CRYBB3: variants seen among roughly 807,000 people sequenced by gnomAD.
CRYBB3 encodes the protein crystallin beta B3, also known as beta-crystallin B3.
In CRYBB3, 35 loss-of-function variants were observed where a neutral mutation model predicts 28.3. The observed-to-expected ratio is 1.24, with a 90% CI of 0.95 to 1.64. CRYBB3 has a LOEUF of 1.64. Among genes scored for constraint, CRYBB3 ranks in the 40% most tolerant of loss-of-function variants. The pLI is 0.00. For missense variants in CRYBB3, 296 were observed against 297.4 expected, an observed-to-expected ratio of 1.00 and a Z score of 0.04; for synonymous variants, 106 against 110.4, an observed-to-expected ratio of 0.96 and a Z score of 0.25.
rs1042416190 is a variant in CRYBB3, at chr22:25,207,290, C to T, written c.*78C>T. On this transcript the variant is annotated 3_prime_UTR_variant, in exon 6 of 6. Transcript: ENST00000215855. ...AGAAGAGGAGGCTCCAGGGTTGGGG[C>T]GAGGGCCGACCTGTCCACCCTTCCC... 74 of 1,329,644 alleles carry T rather than the reference C, an allele frequency of 5.6e-5. No homozygotes were observed. The highest frequency in any genetic ancestry group is 2.6e-4 in the Middle Eastern group (1 of 3,834). The allele number at this position is 1,329,644 out of a possible 1,614,324, so 82.4% of individuals were successfully genotyped here. A position where few individuals can be genotyped will look rare whatever the true frequency, so the allele number is the denominator to read the frequency against.
intron 4 of CRYBB3, among the ~76,000 whole-genome samples, chr22:25,204,448 C>T (rs946326373): frequency 1.3e-5 from 2 of 152,068 alleles, no homozygotes; most frequent in Non-Finnish European, 2.9e-5. Flanking sequence ...GTTGCAGTCT[C>T]GCTCTGTCAC....
intron 1 of CRYBB3, among the ~76,000 whole-genome samples, chr22:25,200,753 A>G (rs1934931481): frequency 6.6e-6 from 1 of 152,142 alleles, no homozygotes; most frequent in African/African-American, 2.4e-5. Context: ...AACGCAGGGA[A>G]ACTGACCTGG....
At chr22:25,203,281 C>T (rs553808017) in intron 3 of CRYBB3, among the ~76,000 whole-genome samples, 1 of 152,292 alleles carries the variant, frequency 6.6e-6, no homozygotes, top group African/African-American at 2.4e-5. Flanking sequence ...TGGCACTAAC[C>T]ATCTGGGTGA....
Position 25,207,221 on chromosome 22 carries a change from C to A in CRYBB3, c.*9C>A. On this transcript the variant is annotated 3_prime_UTR_variant, in exon 6 of 6. Coordinates refer to ENST00000215855, the MANE Select transcript of CRYBB3 (RefSeq NM_004076.5). ...GCTTCCCCAGCAGCTGAAAGGCACC[C>A]AGACTTCAAGGACCCAGACCCACCC... 6.2e-7 allele frequency: 1 copy of A among 1,611,034 alleles called. No individual in the cohort carries two copies. Among genetic ancestry groups the A allele is most frequent in the African/African-American group, 1.3e-5 (1 of 75,016 alleles).
chr22:25,202,029 G>A lies in CRYBB3; in HGVS notation c.75+558G>A, dbSNP rs115708723. Among the ~76,000 whole-genome samples, 1,156 of 152,308 alleles carry A rather than the reference G, an allele frequency of 7.6e-3. 14 individuals are homozygous for A. The highest frequency in any genetic ancestry group is 0.027 in the African/African-American group (1,107 of 41,560). ...TTTTTGGGAAACTATTCCAGACAGAGTCTAAGGATGGGTCGAATCCCAGTG... is the reference window on the plus strand; with the variant it reads ...TTTTTGGGAAACTATTCCAGACAGAATCTAAGGATGGGTCGAATCCCAGTG... On this transcript the variant is annotated intron_variant, in intron 2 of 5. Transcript: ENST00000215855.
chr22:25,205,205 C>A lies in CRYBB3; in HGVS notation c.328-15C>A, dbSNP rs751875383. On this transcript the variant is annotated splice_polypyrimidine_tract_variant and intron_variant, in intron 4 of 5. Coordinates refer to ENST00000215855, the MANE Select transcript of CRYBB3 (RefSeq NM_004076.5). ...GATATGGGAGCAGCCGCTCACCCCA[C>A]GATATTGCCCTCAGGATAGTCCACA... 1.2e-6 allele frequency: 2 copies of A among 1,613,558 alleles called. No individual in the cohort carries two copies. The highest frequency in any genetic ancestry group is 8.5e-7 in the Non-Finnish European group (1 of 1,179,670).
At chr22:25,206,136 C>G (rs1407316036) in intron 5 of CRYBB3, among the ~76,000 whole-genome samples, 3 of 152,114 alleles carry the variant, frequency 2.0e-5, no homozygotes, top group Non-Finnish European at 1.5e-5. Context: ...TGGGGTTGGG[C>G]CTTGAGAGGT....
Position 25,205,227 on chromosome 22 carries a change from C to T in CRYBB3, c.335C>T (p.Pro112Leu), listed in dbSNP as rs973551612. Reference protein sequence around the residue: ...LSLRPLNIDSPHHKLHLFENP... With the variant: ...LSLRPLNIDSLHHKLHLFENP... ...CCACGATATTGCCCTCAGGATAGTC[C>T]ACATCACAAGCTGCATCTGTTTGAG... Residue 112 changes from proline (P) to leucine (L), a missense_variant, in exon 5 of 6, where the codon CCA (proline) becomes CTA (leucine). Coordinates refer to ENST00000215855, the MANE Select transcript of CRYBB3 (RefSeq NM_004076.5). 1.2e-5 allele frequency: 20 copies of T among 1,613,838 alleles called. No individual in the cohort carries two copies. The East Asian group carries it at 4.2e-4, about 34-fold the overall frequency.
At chr22:25,200,450 A>G (rs988550724) in intron 1 of CRYBB3, among the ~76,000 whole-genome samples, 4 of 150,362 alleles carry the variant, frequency 2.7e-5, no homozygotes, top group African/African-American at 9.7e-5. Context: ...GTGTGTGAGG[A>G]GAGAGAGAGA....
At chr22:25,201,631 G>A (rs544227754) in intron 2 of CRYBB3, among the ~76,000 whole-genome samples, 160 bp downstream of exon 2, 4 of 152,278 alleles carry the variant, frequency 2.6e-5, no homozygotes, top group South Asian at 2.1e-4. Context: ...CCACCCTCCC[G>A]TTAGAAACTT....
At position 25,207,185 on chromosome 22, in the gene CRYBB3, C is replaced by T; in HGVS notation, c.609C>T (p.His203=). 5 of 1,613,348 alleles carry T rather than the reference C, an allele frequency of 3.1e-6. No homozygotes were observed. Among genetic ancestry groups the T allele is most frequent in the Non-Finnish European group, 4.2e-6 (5 of 1,179,798 alleles). ...SVRRIRDQKW[H]KRGRFPSS ...GCCGCATCCGTGACCAGAAGTGGCACAAGCGGGGCCGCTTCCCCAGCAGCT... is the reference window on the plus strand; with the variant it reads ...GCCGCATCCGTGACCAGAAGTGGCATAAGCGGGGCCGCTTCCCCAGCAGCT... The change falls in exon 6 of 6, where the codon CAC becomes CAT. Residue 203 remains histidine (H), a synonymous_variant. Transcript: ENST00000215855.
Position 25,205,283 on chromosome 22 carries a change from A to C in CRYBB3, c.391A>C (p.Ile131Leu). ...AGCTTTCAGTGGCCGCAAGATGGAG[A>C]TAGTGGATGATGACGTGCCCAGCCT... is the stretch of plus-strand genomic sequence containing the variant. ...NPAFSGRKME[I>L]VDDDVPSLWA... is the part of the protein sequence containing the mutation. Residue 131 changes from isoleucine (I) to leucine (L), a missense_variant, in exon 5 of 6, where the codon ATA (isoleucine) becomes CTA (leucine). Ile to Leu is a conservative substitution (Grantham distance 5, BLOSUM62 2). Coordinates refer to ENST00000215855, the MANE Select transcript of CRYBB3 (RefSeq NM_004076.5). 1 of 1,613,946 alleles carries C rather than the reference A, an allele frequency of 6.2e-7. No homozygotes were observed. Among genetic ancestry groups the C allele is most frequent in the Non-Finnish European group, 8.5e-7 (1 of 1,179,988 alleles).
At chr22:25,202,940 T>C (rs1226632538) in intron 3 of CRYBB3, 148 bp downstream of exon 3, 1 of 1,490,366 alleles carries the variant, frequency 6.7e-7, no homozygotes, top group East Asian at 2.5e-5. Context: ...AAAATGAGAG[T>C]TGAAGAATTC....
chr22:25,205,584 C>A (rs909512689), intron 5 of CRYBB3, among the ~76,000 whole-genome samples: 1 of 152,126 alleles, frequency 6.6e-6, no homozygotes, highest in South Asian at 2.1e-4. Context: ...CTCAGCCTCC[C>A]GAGTAGCTGG....
At chr22:25,202,298 G>A (rs1003438249) in intron 2 of CRYBB3, among the ~76,000 whole-genome samples, 3 of 151,894 alleles carry the variant, frequency 2.0e-5, no homozygotes, top group Non-Finnish European at 4.4e-5. Flanking sequence ...TTTTTTAAGG[G>A]GGAAATTTCC....
intron 1 of CRYBB3, 60 bp from the exon 2 acceptor site, chr22:25,201,317 C>G (rs1934943301): frequency 6.2e-7 from 1 of 1,600,334 alleles, no homozygotes; most frequent in Non-Finnish European, 8.5e-7. Flanking sequence ...GGACTCCAGT[C>G]ACATCAACAC....
At position 25,202,690 on chromosome 22, in the gene CRYBB3, T is replaced by C; in HGVS notation, c.92T>C (p.Leu31Pro). The change falls in exon 3 of 6, where the codon CTA (leucine) becomes CCA (proline). Residue 31 changes from leucine to proline, a missense_variant. Coordinates refer to ENST00000215855, the MANE Select transcript of CRYBB3 (RefSeq NM_004076.5). Reference sequence around the variant, plus strand: ...CTCTTCTAGGTGATCTTGTACGAACTAGAGAACTTCCAAGGCAAACGCTGC... The same window carrying C: ...CTCTTCTAGGTGATCTTGTACGAACCAGAGAACTTCCAAGGCAAACGCTGC... ...GGSYKVILYE[L>P]ENFQGKRCEL... 2 of 1,613,998 alleles carry C rather than the reference T, an allele frequency of 1.2e-6. No individual in the cohort carries two copies. Among genetic ancestry groups the C allele is most frequent in the Non-Finnish European group, 1.7e-6 (2 of 1,179,942 alleles).
chr22:25,205,763 G>T (rs1424014444), intron 5 of CRYBB3, among the ~76,000 whole-genome samples: 1 of 152,090 alleles, frequency 6.6e-6, no homozygotes, highest in Non-Finnish European at 1.5e-5. Context: ...CCGGCCATCG[G>T]TGCCTATAGT....
In CRYBB3 at chr22:25,207,197, C is replaced by T. The variant is rs373954142; in HGVS notation, c.621C>T (p.Arg207=). Residue 207 remains arginine, a synonymous_variant, in exon 6 of 6, where the codon CGC becomes CGT. Transcript: ENST00000215855. Reference sequence around the variant, plus strand: ...ACCAGAAGTGGCACAAGCGGGGCCGCTTCCCCAGCAGCTGAAAGGCACCCA... The same window carrying T: ...ACCAGAAGTGGCACAAGCGGGGCCGTTTCCCCAGCAGCTGAAAGGCACCCA... ...IRDQKWHKRG[R]FPSS is the part of the protein sequence containing the mutation. 5 of 1,612,730 alleles carry T rather than the reference C, an allele frequency of 3.1e-6. No individual in the cohort carries two copies. Among genetic ancestry groups the T allele is most frequent in the Non-Finnish European group, 4.2e-6 (5 of 1,179,576 alleles).
Sources: allele counts gnomAD v4.1 joint callset (sites outside exome capture counted in the v4.1 genomes callset), GRCh38; gene constraint gnomAD v4.1.1; transcripts MANE v1.5; gene names NCBI Gene and HGNC (gene_info 2026-07-23, HGNC 2026-07-21).